The following ELF3 variants were observed in gnomAD, a reference collection of about 807,000 sequenced individuals.
ELF3 encodes the protein E74 like ETS transcription factor 3.
Under a neutral mutation model 43.9 loss-of-function variants are expected in ELF3, and 18 were observed. That is an observed-to-expected ratio of 0.41 (90% CI 0.28 to 0.61). ELF3 has a LOEUF of 0.61. Ranked by LOEUF, ELF3 falls within the 20% of genes least tolerant of loss-of-function variation. The pLI, the probability that ELF3 is intolerant of heterozygous loss-of-function variation, is 0.30. For synonymous variants in ELF3, 181 were observed against 190.2 expected, an observed-to-expected ratio of 0.95 and a Z score of 0.40; for missense variants, 373 against 487.7, an observed-to-expected ratio of 0.76 and a Z score of 2.21.
Position 202,016,253 on chromosome 1 carries a change from G to A in ELF3, c.*930G>A, listed in dbSNP as rs1325460311. The A allele has an allele frequency of 6.6e-6, 1 of 152,438 alleles. No homozygotes were observed. Among genetic ancestry groups the A allele is most frequent in the Non-Finnish European group, 1.5e-5 (1 of 68,116 alleles). 9.4% of individuals were successfully genotyped at this position (152,438 alleles called of 1,614,324 possible). ...CAAGACTTCATGCAAGCAAGGACAT[G>A]AACTCAGAACACTGAGGTCAGAAGC... On this transcript the variant is annotated 3_prime_UTR_variant, in exon 9 of 9. Coordinates refer to ENST00000367284, the MANE Select transcript of ELF3 (RefSeq NM_004433.5).
chr1:202,014,079 A>G, intron 8 of ELF3, 55 bp downstream of exon 8: 8 of 1,532,026 alleles, frequency 5.2e-6, no homozygotes, highest in Non-Finnish European at 7.0e-6. Context: ...ACAGGCGCTC[A>G]CACTCCCACC....
rs777727755 is a variant in ELF3 at position 202,013,238 on chromosome 1, C to T, written c.745C>T (p.Arg249Trp). The change falls in exon 7 of 9, where the codon CGG becomes TGG. Residue 249 changes from arginine (R) to tryptophan (W), a missense_variant. Around this residue, in one of 3 missense-constraint regions of ELF3, gnomAD observed 311 missense variants for 351.2 expected, o/e 0.89. Coordinates refer to ENST00000367284, the MANE Select transcript of ELF3 (RefSeq NM_004433.5). This position sits in a 1 kb window ranked among gnomAD's most constrained non-coding sequence, Gnocchi z 5.7. ...DPKHGKRKRG[R>W]PRKLSKEYWD... is the part of the protein sequence containing the mutation. ...CAAGCACGGGAAGCGGAAACGAGGC[C>T]GGCCCCGAAAGCTGAGCAAAGAGTA... The T allele has an allele frequency of 3.7e-6, 6 of 1,614,034 alleles. No homozygotes were observed. The highest frequency in any genetic ancestry group is 4.5e-5 in the East Asian group (2 of 44,886).
At position 202,013,006 on chromosome 1, in the gene ELF3, G is replaced by T. The variant is rs925605985; in HGVS notation, c.658G>T (p.Asp220Tyr). 8.1e-6 allele frequency: 13 copies of T among 1,613,872 alleles called. No individual in the cohort carries two copies. The highest frequency in any genetic ancestry group is 1.0e-5 in the Non-Finnish European group (12 of 1,179,886). The change falls in exon 6 of 9, where the codon GAT (aspartate) becomes TAT (tyrosine). Residue 220 changes from aspartate (D) to tyrosine (Y), a missense_variant. Physicochemically the swap from Asp to Tyr is radical, Grantham distance 160 (BLOSUM62 -3). Around this residue, in one of 3 missense-constraint regions of ELF3, gnomAD observed 311 missense variants for 351.2 expected, o/e 0.89. Coordinates refer to ENST00000367284, the MANE Select transcript of ELF3 (RefSeq NM_004433.5). This position sits in a 1 kb window ranked among gnomAD's most constrained non-coding sequence, Gnocchi z 5.7. ...CTCCGGTGGAAGTGACGTGGACCTGGATCCCACTGATGGCAAGCTCTTCCC... is the reference window on the plus strand; with the variant it reads ...CTCCGGTGGAAGTGACGTGGACCTGTATCCCACTGATGGCAAGCTCTTCCC... ...SDSGGSDVDLDPTDGKLFPSD... is the reference protein window; with the variant it reads ...SDSGGSDVDLYPTDGKLFPSD...
Position 202,012,579 on chromosome 1 carries a change from G to C in ELF3, c.479-61G>C. ...CAGCAGGTCATCAGACCCATGGGCA[G>C]CATCACCTGTCCTGGTCTGGTCCCC... is the stretch of plus-strand genomic sequence containing the variant. On this transcript the variant is annotated intron_variant, in intron 4 of 8. Transcript: ENST00000367284. The surrounding 1 kb of genome is among the most constrained non-coding windows in gnomAD (Gnocchi z 4.2). 1 of 1,553,286 alleles carries C rather than the reference G, an allele frequency of 6.4e-7. No homozygotes were observed. Among genetic ancestry groups the C allele is most frequent in the South Asian group, 1.2e-5 (1 of 80,982 alleles).
chr1:202,011,004 G>A (rs1684180244), intron 1 of ELF3, 125 bp from the exon 2 acceptor site: 6 of 1,046,270 alleles, frequency 5.7e-6, no homozygotes, highest in Non-Finnish European at 8.4e-6. Flanking sequence ...TGTCCGCAGA[G>A]TTGCTGATCT....
Position 202,013,432 on chromosome 1 carries a change from C to A in ELF3, c.805+134C>A. 1.1e-6 allele frequency: 1 copy of A among 885,550 alleles called. No individual in the cohort carries two copies. The highest frequency in any genetic ancestry group is 1.8e-6 in the Non-Finnish European group (1 of 565,216). 54.9% of individuals were successfully genotyped at this position (885,550 alleles called of 1,614,324 possible). ...GGCCTTTGGTAAGGCTGTGCACAAG[C>A]TGGGGGCTCTATGGTATCGGTCACC... On this transcript the variant is annotated intron_variant, in intron 7 of 8. Transcript: ENST00000367284. This position sits in a 1 kb window ranked among gnomAD's most constrained non-coding sequence, Gnocchi z 5.7.
chr1:202,014,104 T>C, intron 8 of ELF3, 80 bp downstream of exon 8: 1 of 1,477,766 alleles, frequency 6.8e-7, no homozygotes. Context: ...TCTTTCTGGC[T>C]GCCACTTGGC....
Position 202,013,056 on chromosome 1 carries a change from C to A in ELF3, c.688+20C>A. The A allele has an allele frequency of 6.2e-7, 1 of 1,608,578 alleles. No individual in the cohort carries two copies. Among genetic ancestry groups the A allele is most frequent in the Non-Finnish European group, 8.5e-7 (1 of 1,177,400 alleles). On this transcript the variant is annotated intron_variant, in intron 6 of 8. Coordinates refer to ENST00000367284, the MANE Select transcript of ELF3 (RefSeq NM_004433.5). This position sits in a 1 kb window ranked among gnomAD's most constrained non-coding sequence, Gnocchi z 5.7. Reference sequence around the variant, plus strand: ...CCAGCGGTGAGTCGAGGGAGGTCCCCAAGAGGGCGTCCCATTTAGCAATGC... The same window carrying A: ...CCAGCGGTGAGTCGAGGGAGGTCCCAAAGAGGGCGTCCCATTTAGCAATGC...
Position 202,012,466 on chromosome 1 carries a change from A to T in ELF3, c.478+30A>T. On this transcript the variant is annotated intron_variant, in intron 4 of 8. Transcript: ENST00000367284. The surrounding 1 kb of genome is among the most constrained non-coding windows in gnomAD (Gnocchi z 4.2). The stretch of plus-strand genomic sequence containing the variant: ...GAACCCGTTTTCTCCTTCCTTCCCC[A>T]GCCTGTCTTGTCCCATCCCTGCCCC... 1 of 1,611,286 alleles carries T rather than the reference A, an allele frequency of 6.2e-7. No homozygotes were observed. Among genetic ancestry groups the T allele is most frequent in the Non-Finnish European group, 8.5e-7 (1 of 1,178,554 alleles).
rs1294523557 is a variant in ELF3, at chr1:202,010,994, T to C, written c.-8-135T>C. 40 of 901,038 alleles carry C rather than the reference T, an allele frequency of 4.4e-5. No homozygotes were observed. Among genetic ancestry groups the C allele is most frequent in the Non-Finnish European group, 6.5e-5 (39 of 595,748 alleles). 55.8% of individuals were successfully genotyped at this position (901,038 alleles called of 1,614,324 possible). ...CTTGGAGCCCTTCTTGAAGAGACGG[T>C]GTCCGCAGAGTTGCTGATCTTCCTG... On this transcript the variant is annotated intron_variant, in intron 1 of 8. Coordinates refer to ENST00000367284, the MANE Select transcript of ELF3 (RefSeq NM_004433.5). The surrounding 1 kb of genome is among the most constrained non-coding windows in gnomAD (Gnocchi z 4.3).
Position 202,015,329 on chromosome 1 carries a change from G to A in ELF3, c.*6G>A. On this transcript the variant is annotated 3_prime_UTR_variant, in exon 9 of 9. Coordinates refer to ENST00000367284, the MANE Select transcript of ELF3 (RefSeq NM_004433.5). ...TTCTCCAGAGTCGGAACTGAGGGTT[G>A]GAACTATACCCGGGACCAAACTCAC... 6.2e-7 allele frequency: 1 copy of A among 1,613,912 alleles called. No homozygotes were observed. The highest frequency in any genetic ancestry group is 1.3e-5 in the African/African-American group (1 of 75,050).
In ELF3 at chr1:202,013,314, A is replaced by G. The variant is rs6657642; in HGVS notation, c.805+16A>G. The G allele has an allele frequency of 2.7e-3, 4,343 of 1,610,858 alleles. 103 individuals carry two copies. The African/African-American group carries it at 0.052, about 19-fold the overall frequency. ...AGCAAGCACGGTGAGCTCCGGGGGC[A>G]CGTGGGTCCTCCCTGCGCCGGGCTG... On this transcript the variant is annotated intron_variant, in intron 7 of 8. Transcript: ENST00000367284. The surrounding 1 kb of genome is among the most constrained non-coding windows in gnomAD (Gnocchi z 5.7).
chr1:202,015,323 A>G lies in ELF3; in HGVS notation c.1116A>G (p.Ter372TrpextTer43), dbSNP rs1314587735. 1.2e-6 allele frequency: 2 copies of G among 1,613,994 alleles called. No individual in the cohort carries two copies. Among genetic ancestry groups the G allele is most frequent in the Admixed American group, 3.3e-5 (2 of 60,024 alleles). The change falls in exon 9 of 9, where the codon TGA (stop) becomes TGG (tryptophan). Residue 372 changes from the stop codon to tryptophan (W), a stop_lost. Transcript: ENST00000367284. ...KEEEVLQSRN* is the reference protein window; with the variant it reads ...KEEEVLQSRNW ...AAGAGGTTCTCCAGAGTCGGAACTG[A>G]GGGTTGGAACTATACCCGGGACCAA...
In ELF3 at chr1:202,013,826, C is replaced by T; in HGVS notation, c.806-3C>T. 1 of 1,606,966 alleles carries T rather than the reference C, an allele frequency of 6.2e-7. No individual in the cohort carries two copies. Among genetic ancestry groups the T allele is most frequent in the Non-Finnish European group, 8.5e-7 (1 of 1,174,968 alleles). ...GGCAAACTGATGGAGGCTGGCCTTGCAGCGCCCAGAGGCACCCACCTGTGG... is the reference window on the plus strand; with the variant it reads ...GGCAAACTGATGGAGGCTGGCCTTGTAGCGCCCAGAGGCACCCACCTGTGG... On this transcript the variant is annotated splice_polypyrimidine_tract_variant and splice_region_variant and intron_variant, in intron 7 of 8. Transcript: ENST00000367284. The surrounding 1 kb of genome is among the most constrained non-coding windows in gnomAD (Gnocchi z 5.7).
chr1:202,011,248 G>T lies in ELF3; in HGVS notation c.112G>T (p.Asp38Tyr). ...SVPPAATFGA[D>Y]DLVLTLSNPQ... ...TCCCCCTGCTGCCACCTTTGGGGCC[G>T]ATGACTTGGTACTGACCCTGAGCAA... Residue 38 changes from aspartate to tyrosine, a missense_variant, in exon 2 of 9, where the codon GAT (aspartate) becomes TAT (tyrosine). Coordinates refer to ENST00000367284, the MANE Select transcript of ELF3 (RefSeq NM_004433.5). The T allele has an allele frequency of 6.2e-7, 1 of 1,612,106 alleles. No homozygotes were observed. The highest frequency in any genetic ancestry group is 8.5e-7 in the Non-Finnish European group (1 of 1,179,002).
At position 202,012,631 on chromosome 1, in the gene ELF3, T is replaced by C. The variant is rs756653864; in HGVS notation, c.479-9T>C. 2 of 1,580,618 alleles carry C rather than the reference T, an allele frequency of 1.3e-6. No individual in the cohort carries two copies. The highest frequency in any genetic ancestry group is 2.3e-5 in the South Asian group (2 of 86,264). On this transcript the variant is annotated splice_polypyrimidine_tract_variant and intron_variant, in intron 4 of 8. Transcript: ENST00000367284. This position sits in a 1 kb window ranked among gnomAD's most constrained non-coding sequence, Gnocchi z 4.2. ...GAGCCCTCTCTGAGTTCTCACCTCC[T>C]CTTCCCAGACCAGGGCAGCCCCTTT... is the stretch of plus-strand genomic sequence containing the variant.
rs1299100838 is a variant in ELF3, at chr1:202,011,173, A to T, written c.37A>T (p.Asn13Tyr). The T allele has an allele frequency of 1.2e-6, 2 of 1,613,984 alleles. No homozygotes were observed. Among genetic ancestry groups the T allele is most frequent in the Non-Finnish European group, 1.7e-6 (2 of 1,179,996 alleles). ...CTGTGAGATTAGCAACATTTTTAGC[A>T]ACTACTTCAGTGCGATGTACAGCTC... The part of the protein sequence containing the change: ...ATCEISNIFS[N>Y]YFSAMYSSED... The change falls in exon 2 of 9, where the codon AAC (asparagine) becomes TAC (tyrosine). Residue 13 changes from asparagine (N) to tyrosine (Y), a missense_variant. Physicochemically the swap from Asn to Tyr is moderately radical, Grantham distance 143. Coordinates refer to ENST00000367284, the MANE Select transcript of ELF3 (RefSeq NM_004433.5).
At position 202,015,466 on chromosome 1, in the gene ELF3, T is replaced by C; in HGVS notation, c.*143T>C. The stretch of plus-strand genomic sequence containing the variant: ...GAGAGAAGCTGATGTTTTGGTGTAT[T>C]GTCAGCCATCGTCCTGGGACTCGGA... On this transcript the variant is annotated 3_prime_UTR_variant, in exon 9 of 9. Coordinates refer to ENST00000367284, the MANE Select transcript of ELF3 (RefSeq NM_004433.5). 2.5e-6 allele frequency: 2 copies of C among 788,236 alleles called. No homozygotes were observed. The highest frequency in any genetic ancestry group is 4.1e-6 in the Non-Finnish European group (2 of 492,554). The allele number at this position is 788,236 out of a possible 1,614,324, so 48.8% of individuals were successfully genotyped here. A position where few individuals can be genotyped will look rare whatever the true frequency, so the allele number is the denominator to read the frequency against.
chr1:202,013,120 A>T lies in ELF3; in HGVS notation c.689-62A>T, dbSNP rs1455622790. 6 of 1,604,480 alleles carry T rather than the reference A, an allele frequency of 3.7e-6. No individual in the cohort carries two copies. The Admixed American group carries it at 1.0e-4, about 27-fold the overall frequency. On this transcript the variant is annotated intron_variant, in intron 6 of 8. Transcript: ENST00000367284. The surrounding 1 kb of genome is among the most constrained non-coding windows in gnomAD (Gnocchi z 5.7). ...CTCTTCCTGCAGCCTTTTCCTGTAG[A>T]GGGGCTACTCTCCCTAACTCCCCTC... is the stretch of plus-strand genomic sequence containing the variant.
Sources: gnomAD v4.1 joint callset for allele counts on GRCh38, gnomAD v4.1.1 for gene constraint, gnomAD v4.1.1 regional missense constraint, Gnocchi (gnomAD v3.1) non-coding constraint, MANE v1.5 for transcripts, NCBI Gene and HGNC (gene_info 2026-07-23, HGNC 2026-07-21) for gene names.